Variants in SMYD3 observed in about 807,000 individuals in gnomAD.
SMYD3 encodes SET and MYND domain containing 3.
In SMYD3, 36 loss-of-function variants were observed where a neutral mutation model predicts 57.7. That is an observed-to-expected ratio of 0.62 (90% CI 0.48 to 0.82). The LOEUF (loss-of-function observed/expected upper bound fraction) is 0.82. Among genes scored for constraint, SMYD3 ranks in the 40% least tolerant of loss-of-function variants. SMYD3 has a pLI of 0.00. For missense variants in SMYD3, 515 were observed against 538.8 expected (o/e 0.96, Z 0.44); for synonymous variants, 211 against 195.0 (o/e 1.08, Z -0.68).
chr1:246,434,701 A>T (rs1445399280), intron 1 of SMYD3, among the ~76,000 whole-genome samples: 1 of 152,248 alleles, frequency 6.6e-6, no homozygotes, highest in African/African-American at 2.4e-5. Flanking sequence ...GTTAGTGGGA[A>T]TGTAACCTAG....
intron 1 of SMYD3, among the ~76,000 whole-genome samples, chr1:246,437,860 T>C (rs1278015441): frequency 6.6e-6 from 1 of 152,232 alleles, no homozygotes; most frequent in Non-Finnish European, 1.5e-5. Flanking sequence ...TGGACATAAA[T>C]TATACTGAGA....
intron 10 of SMYD3, among the ~76,000 whole-genome samples, chr1:245,773,361 T>C (rs2817495): frequency 0.42 from 64,011 of 152,056 alleles, 17,696 homozygotes; most frequent in East Asian, 0.88. Flanking sequence ...TCTTTCCTTC[T>C]AGAAAACACA....
At chr1:246,089,752 T>C (rs369023366) in intron 5 of SMYD3, among the ~76,000 whole-genome samples, 1 of 152,104 alleles carries the variant, frequency 6.6e-6, no homozygotes, top group South Asian at 2.1e-4. Context: ...AGGAGATGAG[T>C]AGACAAAACT....
intron 5 of SMYD3, among the ~76,000 whole-genome samples, chr1:246,219,882 C>T (rs1035475035): frequency 6.6e-6 from 1 of 152,134 alleles, no homozygotes; most frequent in Non-Finnish European, 1.5e-5. Flanking sequence ...GTGGGGTTCA[C>T]TGCTGGTGCC....
intron 8 of SMYD3, among the ~76,000 whole-genome samples, chr1:245,869,429 A>C (rs1315335073): frequency 6.6e-6 from 1 of 152,182 alleles, no homozygotes; most frequent in Non-Finnish European, 1.5e-5. Flanking sequence ...AGGAGCAGCT[A>C]GTCTGGATGG....
chr1:246,168,815 A>G (rs1415615132), intron 5 of SMYD3, among the ~76,000 whole-genome samples: 1 of 152,134 alleles, frequency 6.6e-6, no homozygotes, highest in Non-Finnish European at 1.5e-5. Context: ...TGCTGCCAAT[A>G]TGCTTTTGCC....
At chr1:245,892,964 T>G (rs952575594) in intron 8 of SMYD3, among the ~76,000 whole-genome samples, 11 of 152,132 alleles carry the variant, frequency 7.2e-5, no homozygotes, top group Admixed American at 5.9e-4. Flanking sequence ...GAAAAAAACA[T>G]GTATAAAACA....
intron 5 of SMYD3, among the ~76,000 whole-genome samples, chr1:246,043,220 T>G (rs1029282259): frequency 1.5e-4 from 23 of 152,216 alleles, no homozygotes; most frequent in Non-Finnish European, 2.9e-4. Context: ...ATTTAAGAAT[T>G]TATGATATTC....
rs140695570 is a variant in SMYD3, at chr1:245,891,095, C to T, written c.813+24435G>A. 4.9e-3 allele frequency among the ~76,000 whole-genome samples: 741 copies of T among 152,204 alleles called. 3 individuals are homozygous for T. Among genetic ancestry groups the T allele is most frequent in the African/African-American group, 0.016 (655 of 41,512 alleles). ...GGAAGGTAGTGGGCAAGGGAGGGAACGGGGGATGGTTAATGGGTACAAAAA... is the reference window on the plus strand; with the variant it reads ...GGAAGGTAGTGGGCAAGGGAGGGAATGGGGGATGGTTAATGGGTACAAAAA... On this transcript the variant is annotated intron_variant, in intron 8 of 11. Transcript: ENST00000490107.
chr1:246,372,225 G>A (rs2066204585), intron 1 of SMYD3, among the ~76,000 whole-genome samples: 1 of 152,210 alleles, frequency 6.6e-6, no homozygotes, highest in African/African-American at 2.4e-5. Flanking sequence ...GTTAACGGGG[G>A]TTGGTGCAAG....
intron 5 of SMYD3, among the ~76,000 whole-genome samples, chr1:245,987,581 T>G (rs1029256920): frequency 1.3e-5 from 2 of 152,260 alleles, no homozygotes; most frequent in African/African-American, 4.8e-5. Context: ...TCACGTTTTC[T>G]TAACTTATTC....
At chr1:246,405,299 T>C (rs1325818599) in intron 1 of SMYD3, among the ~76,000 whole-genome samples, 1 of 152,182 alleles carries the variant, frequency 6.6e-6, no homozygotes, top group African/African-American at 2.4e-5. Flanking sequence ...AATGATCAAA[T>C]CAGAGTAAAG....
At chr1:245,798,970 C>T (rs2047723808) in intron 10 of SMYD3, among the ~76,000 whole-genome samples, 1 of 152,146 alleles carries the variant, frequency 6.6e-6, no homozygotes, top group Admixed American at 6.5e-5. Context: ...GTTACTTTTT[C>T]ACACAGCAAA....
intron 1 of SMYD3, among the ~76,000 whole-genome samples, chr1:246,479,171 G>A (rs868118464): frequency 7.3e-5 from 11 of 150,044 alleles, no homozygotes; most frequent in South Asian, 4.2e-4. Context: ...CCTCTGTCCC[G>A]GAGCTAGTGC....
At chr1:246,375,100 A>T (rs138575254) in intron 1 of SMYD3, among the ~76,000 whole-genome samples, 27 of 152,120 alleles carry the variant, frequency 1.8e-4, no homozygotes, top group East Asian at 3.9e-4. Flanking sequence ...AGCAAAAATT[A>T]AAAAAAATAA....
At chr1:245,955,139 T>C (rs1007295510) in intron 5 of SMYD3, among the ~76,000 whole-genome samples, 6 of 152,238 alleles carry the variant, frequency 3.9e-5, no homozygotes, top group African/African-American at 1.4e-4. Flanking sequence ...TCGCCCAGGC[T>C]GGACTGCAGT....
At chr1:245,902,607 A>G (rs2148618273) in intron 8 of SMYD3, among the ~76,000 whole-genome samples, 1 of 152,306 alleles carries the variant, frequency 6.6e-6, no homozygotes, top group Non-Finnish European at 1.5e-5. Flanking sequence ...CACTGCCACC[A>G]TCACCAGTAC....
At chr1:246,448,817 A>C (rs762087544) in intron 1 of SMYD3, among the ~76,000 whole-genome samples, 12 of 152,060 alleles carry the variant, frequency 7.9e-5, no homozygotes, top group Non-Finnish European at 1.8e-4. Flanking sequence ...GAGAAAGCCA[A>C]AAATGTACCC....
chr1:246,491,885 C>T (rs1190251458), intron 1 of SMYD3, among the ~76,000 whole-genome samples: 1 of 152,166 alleles, frequency 6.6e-6, no homozygotes, highest in African/African-American at 2.4e-5. Context: ...CGTGATGGAT[C>T]AAAACGAAAA....
Sources: allele counts gnomAD v4.1 joint callset (sites outside exome capture counted in the v4.1 genomes callset), GRCh38; gene constraint gnomAD v4.1.1; transcripts MANE v1.5; gene names NCBI Gene and HGNC (gene_info 2026-07-23, HGNC 2026-07-21).